The following TSPAN5 variants were observed in gnomAD, a reference collection of about 807,000 sequenced individuals.
The protein encoded by TSPAN5 is tetraspanin 5, also known as tetraspanin-5.
Under a neutral mutation model 37.1 loss-of-function variants are expected in TSPAN5, and 10 were observed. The ratio of observed to expected loss-of-function variants is 0.27; its 90% CI spans 0.17 to 0.46. The LOEUF (loss-of-function observed/expected upper bound fraction) is 0.46. Among genes scored for constraint, TSPAN5 ranks in the 20% least tolerant of loss-of-function variants. TSPAN5 has a pLI of 1.00. For missense variants in TSPAN5, 195 were observed against 326.6 expected (o/e 0.60, Z 3.11); for synonymous variants, 110 against 118.9 (o/e 0.93, Z 0.48).
intron 1 of TSPAN5, among the ~76,000 whole-genome samples, chr4:98,516,062 T>G (rs1306215253): frequency 2.0e-5 from 3 of 152,224 alleles, no homozygotes; most frequent in Non-Finnish European, 2.9e-5. Context: ...GTGCCTATTT[T>G]TTTACAGAAT....
chr4:98,508,709 G>A (rs1753531525), intron 1 of TSPAN5, among the ~76,000 whole-genome samples: 1 of 151,814 alleles, frequency 6.6e-6, no homozygotes, highest in Non-Finnish European at 1.5e-5. Context: ...ATTATTTGTA[G>A]AGACAAGGCC....
rs567174657 is a variant in TSPAN5, at chr4:98,531,247, A to C, written c.82-23519T>G. 9.9e-5 allele frequency among the ~76,000 whole-genome samples: 15 copies of C among 151,936 alleles called. No homozygotes were observed. The South Asian group carries it at 3.1e-3, about 32-fold the overall frequency. The stretch of plus-strand genomic sequence containing the variant: ...CCCCTACCCCACGACAGGCCCCAGT[A>C]TGTGATGTTCCCTTCCCTGTGTCCG... On this transcript the variant is annotated intron_variant, in intron 1 of 7. Coordinates refer to ENST00000305798, the MANE Select transcript of TSPAN5 (RefSeq NM_005723.4).
chr4:98,514,976 AGAG>A (rs1174595057), intron 1 of TSPAN5, among the ~76,000 whole-genome samples: 1 of 152,206 alleles, frequency 6.6e-6, no homozygotes, highest in Non-Finnish European at 1.5e-5. Flanking sequence ...GGCAGAAGAC[AGAG>A]GAGGCACTGC....
intron 1 of TSPAN5, among the ~76,000 whole-genome samples, chr4:98,590,777 A>G (rs948044363): frequency 3.3e-5 from 5 of 152,010 alleles, no homozygotes; most frequent in Non-Finnish European, 7.4e-5. Context: ...GATCAGTGTC[A>G]TGTTCTGAAC....
intron 1 of TSPAN5, among the ~76,000 whole-genome samples, chr4:98,579,479 A>G (rs1755321390): frequency 2.0e-5 from 3 of 152,200 alleles, no homozygotes; most frequent in Middle Eastern, 6.8e-3. Flanking sequence ...GTTTTTTAAA[A>G]AGAGAGAGAG....
intron 1 of TSPAN5, among the ~76,000 whole-genome samples, chr4:98,638,189 C>G (rs570407863): frequency 5.9e-5 from 9 of 152,176 alleles, no homozygotes; most frequent in African/African-American, 9.7e-5. Flanking sequence ...AACACTGGAC[C>G]CTGTTGCTCC....
intron 1 of TSPAN5, among the ~76,000 whole-genome samples, chr4:98,555,649 A>G (rs954544689): frequency 6.6e-4 from 101 of 152,210 alleles, no homozygotes; most frequent in Non-Finnish European, 3.8e-4. Context: ...TGTATGAATG[A>G]TATTTCCCAA....
chr4:98,562,587 G>A (rs1754905558), intron 1 of TSPAN5, among the ~76,000 whole-genome samples: 1 of 152,118 alleles, frequency 6.6e-6, no homozygotes, highest in Non-Finnish European at 1.5e-5. Context: ...CCTGAACCTG[G>A]GAGGTGGAGG....
At chr4:98,638,472 G>T (rs940791129) in intron 1 of TSPAN5, among the ~76,000 whole-genome samples, 1 of 152,162 alleles carries the variant, frequency 6.6e-6, no homozygotes, top group African/African-American at 2.4e-5. Flanking sequence ...ACATCTGAAC[G>T]CATTTAACTG....
chr4:98,530,799 T>G (rs1478119135), intron 1 of TSPAN5, among the ~76,000 whole-genome samples: 3 of 152,106 alleles, frequency 2.0e-5, no homozygotes, highest in African/African-American at 7.2e-5. Context: ...TGGAATGCAG[T>G]GGCAAGACCA....
chr4:98,503,856 G>A (rs1753412995), intron 2 of TSPAN5, among the ~76,000 whole-genome samples: 1 of 152,160 alleles, frequency 6.6e-6, no homozygotes, highest in African/African-American at 2.4e-5. Flanking sequence ...ATGTTGTCAA[G>A]GGTGTTGTGG....
At position 98,621,648 on chromosome 4, in the gene TSPAN5, G is replaced by A. The variant is rs559720892; in HGVS notation, c.81+36498C>T. 5.3e-5 allele frequency among the ~76,000 whole-genome samples: 8 copies of A among 152,170 alleles called. No individual in the cohort carries two copies. In the South Asian group the frequency reaches 8.3e-4, roughly 16 times the overall value. ...CTCCCAAAGTGCTAGGATAACAGGC[G>A]TGAGCCACTGCGCCCGGCCAGATGT... On this transcript the variant is annotated intron_variant, in intron 1 of 7. Transcript: ENST00000305798.
chr4:98,475,667 T>C (rs1244390645), intron 7 of TSPAN5, among the ~76,000 whole-genome samples: 2 of 152,146 alleles, frequency 1.3e-5, no homozygotes, highest in East Asian at 1.9e-4. Context: ...TATTTCATGA[T>C]AGTAGCATCT....
chr4:98,492,093 C>T (rs1428419238), intron 2 of TSPAN5, among the ~76,000 whole-genome samples: 4 of 152,116 alleles, frequency 2.6e-5, no homozygotes, highest in African/African-American at 9.7e-5. Context: ...GCCTTCGCCC[C>T]TCCTTTCACT....
chr4:98,511,730 T>C (rs1019120200), intron 1 of TSPAN5, among the ~76,000 whole-genome samples: 1 of 152,224 alleles, frequency 6.6e-6, no homozygotes, highest in Non-Finnish European at 1.5e-5. Context: ...GATAACATTT[T>C]GGATATACTG....
chr4:98,656,687 C>T (rs1249875910), intron 1 of TSPAN5, among the ~76,000 whole-genome samples: 1 of 152,154 alleles, frequency 6.6e-6, no homozygotes, highest in Non-Finnish European at 1.5e-5. Flanking sequence ...TCATGTGTCC[C>T]CTCATTATCT....
chr4:98,619,849 C>T (rs1411268731), intron 1 of TSPAN5, among the ~76,000 whole-genome samples: 3 of 152,138 alleles, frequency 2.0e-5, no homozygotes, highest in African/African-American at 7.2e-5. Flanking sequence ...AGATGGTGCA[C>T]TCTCACTGCG....
chr4:98,518,168 T>C (rs1417673836), intron 1 of TSPAN5, among the ~76,000 whole-genome samples: 1 of 151,900 alleles, frequency 6.6e-6, no homozygotes, highest in Non-Finnish European at 1.5e-5. Flanking sequence ...AGTGCTGGGA[T>C]TACAGGCGTG....
rs1466863407 is a variant in TSPAN5, at chr4:98,486,745, A to G, written c.272T>C (p.Leu91Pro). The change falls in exon 3 of 8, where the codon CTC (leucine) becomes CCC (proline). Residue 91 changes from leucine (L) to proline (P), a missense_variant. Physicochemically the swap from Leu to Pro is moderately conservative, Grantham distance 98. Transcript: ENST00000305798. ...IGALRENTFL[L>P]KFFSVFLGII... ...AGAGAGTGGAATACTTACAAACTTG[A>G]GAAGGAAAGTGTTTTCCCGTAGCGC... The G allele has an allele frequency of 6.2e-7, 1 of 1,613,988 alleles. No individual in the cohort carries two copies. Among genetic ancestry groups the G allele is most frequent in the Non-Finnish European group, 8.5e-7 (1 of 1,180,012 alleles).
Sources: allele counts gnomAD v4.1 joint callset (sites outside exome capture counted in the v4.1 genomes callset), GRCh38; gene constraint gnomAD v4.1.1; transcripts MANE v1.5; gene names NCBI Gene and HGNC (gene_info 2026-07-23, HGNC 2026-07-21).